PPM1K: variants seen among roughly 807,000 people sequenced by gnomAD.
The protein encoded by PPM1K is protein phosphatase Mn(2+)-dependent 1K.
Under a neutral mutation model 32.6 loss-of-function variants are expected in PPM1K, and 19 were observed. The observed-to-expected ratio is 0.58, with a 90% CI of 0.41 to 0.86. The LOEUF (loss-of-function observed/expected upper bound fraction) is 0.86. Among genes scored for constraint, PPM1K ranks in the 40% least tolerant of loss-of-function variants. The pLI is 0.00. For missense variants in PPM1K, 362 were observed against 461.2 expected, an observed-to-expected ratio of 0.78 and a Z score of 1.97; for synonymous variants, 159 against 165.3, an observed-to-expected ratio of 0.96 and a Z score of 0.29.
intron 6 of PPM1K, among the ~76,000 whole-genome samples, chr4:88,263,307 G>GA (rs551032734): frequency 1.3e-5 from 2 of 151,240 alleles, no homozygotes; most frequent in Non-Finnish European, 3.0e-5. Flanking sequence ...GAATTGGTAA[G>GA]AAAAAAAAAT....
chr4:88,277,300 C>T lies in PPM1K; in HGVS notation c.441-57G>A, dbSNP rs947475765. The T allele has an allele frequency of 7.1e-6, 8 of 1,133,852 alleles. No individual in the cohort carries two copies. The African/African-American group carries it at 1.1e-4, about 15-fold the overall frequency. 70.2% of individuals were successfully genotyped at this position (1,133,852 alleles called of 1,614,324 possible). A position where few individuals can be genotyped will look rare whatever the true frequency, so the allele number is the denominator to read the frequency against. ...AATCATTTTACAATAGGTTTTTCTC[C>T]TCACTGTTACTCTAGCTAGCAGTCA... On this transcript the variant is annotated intron_variant, in intron 2 of 6. Coordinates refer to ENST00000608933, the MANE Select transcript of PPM1K (RefSeq NM_152542.5).
Position 88,260,430 on chromosome 4 carries a change from T to C in PPM1K, c.*2165A>G, listed in dbSNP as rs573240585. Reference sequence around the variant, plus strand: ...TTGGTTTGGAAATTCTCCATGTTCCTAAAGGTAGCTTCCACATTTCTGTTC... The same window carrying C: ...TTGGTTTGGAAATTCTCCATGTTCCCAAAGGTAGCTTCCACATTTCTGTTC... On this transcript the variant is annotated 3_prime_UTR_variant, in exon 7 of 7. Transcript: ENST00000608933. 7.2e-5 allele frequency: 11 copies of C among 152,314 alleles called. No homozygotes were observed. The highest frequency in any genetic ancestry group is 2.6e-4 in the African/African-American group (11 of 41,570). 9.4% of individuals were successfully genotyped at this position (152,314 alleles called of 1,614,324 possible).
intron 6 of PPM1K, among the ~76,000 whole-genome samples, chr4:88,263,083 G>A (rs1731185255): frequency 6.6e-6 from 1 of 152,108 alleles, no homozygotes; most frequent in African/African-American, 2.4e-5. Flanking sequence ...CACACGGTGA[G>A]GACTTGATAA....
chr4:88,275,539 G>A (rs1177616629), intron 3 of PPM1K: 1 of 985,198 alleles, frequency 1.0e-6, no homozygotes, highest in Admixed American at 6.2e-5. Flanking sequence ...TTTAAAAGAG[G>A]CTGATGGCAT....
chr4:88,269,932 C>T (rs1731488932), intron 3 of PPM1K, among the ~76,000 whole-genome samples: 1 of 152,098 alleles, frequency 6.6e-6, no homozygotes, highest in African/African-American at 2.4e-5. Flanking sequence ...TGCATTGAGC[C>T]TTGTCAAAAG....
intron 3 of PPM1K, chr4:88,276,191 G>A (rs1382091873): frequency 1.6e-5 from 16 of 985,224 alleles, no homozygotes; most frequent in African/African-American, 8.7e-5. Context: ...CAGTTCCTTC[G>A]CTGTGAAATG....
At chr4:88,274,651 T>C (rs2110166594) in intron 3 of PPM1K, among the ~76,000 whole-genome samples, 2 of 152,348 alleles carry the variant, frequency 1.3e-5, no homozygotes, top group Middle Eastern at 6.8e-3. Flanking sequence ...TCCACTCTTA[T>C]AATACTGATA....
At chr4:88,279,810 G>A (rs757653917) in intron 1 of PPM1K, 5 of 152,196 alleles carry the variant, frequency 3.3e-5, no homozygotes, top group African/African-American at 7.2e-5. Flanking sequence ...ACTAAGGTTT[G>A]ATGATGTTGG....
Position 88,258,095 on chromosome 4 carries a change from C to T in PPM1K, c.*4500G>A, listed in dbSNP as rs1432143908. The T allele has an allele frequency of 2.0e-5, 3 of 152,072 alleles. No individual in the cohort carries two copies. Among genetic ancestry groups the T allele is most frequent in the South Asian group, 2.1e-4 (1 of 4,822 alleles). 9.4% of individuals were successfully genotyped at this position (152,072 alleles called of 1,614,324 possible). Reference sequence around the variant, plus strand: ...TTTCTGCCTAAGTCATCTATATAAGCGAATCTAATAAATACAATAAAATGT... The same window carrying T: ...TTTCTGCCTAAGTCATCTATATAAGTGAATCTAATAAATACAATAAAATGT... On this transcript the variant is annotated 3_prime_UTR_variant, in exon 7 of 7. Coordinates refer to ENST00000608933, the MANE Select transcript of PPM1K (RefSeq NM_152542.5).
chr4:88,281,111 T>G (rs1181941639), intron 1 of PPM1K, among the ~76,000 whole-genome samples: 2 of 151,602 alleles, frequency 1.3e-5, no homozygotes, highest in East Asian at 3.9e-4. Flanking sequence ...CTTTATATCA[T>G]ATAGAAAAAA....
intron 2 of PPM1K, chr4:88,277,522 G>T: frequency 3.0e-6 from 1 of 331,416 alleles, no homozygotes; most frequent in Non-Finnish European, 5.5e-6. Flanking sequence ...CCTTCCCATT[G>T]TGAGTTCTTT....
intron 6 of PPM1K, 28 bp downstream of exon 6, chr4:88,264,973 G>A (rs764107342): frequency 1.7e-5 from 28 of 1,612,118 alleles, no homozygotes; most frequent in Non-Finnish European, 2.2e-5. Context: ...TTCTCCTTGG[G>A]ACTTTTCAGG....
In PPM1K at chr4:88,278,751, A is replaced by G. The variant is rs1457170316; in HGVS notation, c.-59-109T>C. The G allele has an allele frequency of 6.8e-6, 4 of 588,580 alleles. No homozygotes were observed. In the Admixed American group the frequency reaches 1.3e-4, roughly 19 times the overall value. The allele number at this position is 588,580 out of a possible 1,614,324, so 36.5% of individuals were successfully genotyped here. A position where few individuals can be genotyped will look rare whatever the true frequency, so the allele number is the denominator to read the frequency against. On this transcript the variant is annotated intron_variant, in intron 1 of 6. Transcript: ENST00000608933. This position sits in a 1 kb window ranked among gnomAD's most constrained non-coding sequence, Gnocchi z 4.2. ...CCATCAGAAATTTTGAATATAACTG[A>G]TATGTCATCAAATATTACCAAAAAT... is the stretch of plus-strand genomic sequence containing the variant.
chr4:88,262,605 C>T lies in PPM1K; in HGVS notation c.1109G>A (p.Arg370Gln). The T allele has an allele frequency of 1.2e-6, 2 of 1,613,802 alleles. No homozygotes were observed. The highest frequency in any genetic ancestry group is 1.1e-5 in the South Asian group (1 of 91,018). Reference sequence around the variant, plus strand: ...AGTCCCAGCTGGTAATCAGGCCCATCGTCCACTGGAGGCAAAGCTTCTGCT... The same window carrying T: ...AGTCCCAGCTGGTAATCAGGCCCATTGTCCACTGGAGGCAAAGCTTCTGCT... ...SFSRSFASSG[R>Q]WA The change falls in exon 7 of 7, where the codon CGA (arginine) becomes CAA (glutamine). Residue 370 changes from arginine (R) to glutamine (Q), a missense_variant. Physicochemically the swap from Arg to Gln is conservative, Grantham distance 43. Transcript: ENST00000608933.
At chr4:88,268,509 T>C (rs1222205689) in intron 4 of PPM1K, among the ~76,000 whole-genome samples, 175 bp from the exon 5 acceptor site, 1 of 152,118 alleles carries the variant, frequency 6.6e-6, no homozygotes, top group Non-Finnish European at 1.5e-5. Flanking sequence ...TAGTCCCAGC[T>C]ACTCAGGAGG....
Position 88,260,296 on chromosome 4 carries a change from AC to A in PPM1K, c.*2298del, listed in dbSNP as rs1426157708. The A allele has an allele frequency of 6.6e-6, 1 of 152,038 alleles. No homozygotes were observed. The allele number at this position is 152,038 out of a possible 1,614,324, so 9.4% of individuals were successfully genotyped here. On this transcript the variant is annotated 3_prime_UTR_variant, in exon 7 of 7. Coordinates refer to ENST00000608933, the MANE Select transcript of PPM1K (RefSeq NM_152542.5). ...TCTAACTCTTGACCTCAGGTGATCC[AC>A]CTGCCTTGGCCTCCCAAAGTGCTAG...
chr4:88,270,936 C>A, intron 3 of PPM1K: 1 of 310,142 alleles, frequency 3.2e-6, no homozygotes, highest in Non-Finnish European at 6.4e-6. Context: ...TAAAAATTCT[C>A]ACTTTTTGCC....
intron 4 of PPM1K, 39 bp downstream of exon 4, chr4:88,268,702 T>A (rs1227370341): frequency 1.9e-6 from 3 of 1,574,484 alleles, no homozygotes; most frequent in Non-Finnish European, 2.6e-6. Context: ...AAAAACATCA[T>A]CCACATAGAA....
chr4:88,267,291 GCTGA>G (rs1270388384), intron 5 of PPM1K, among the ~76,000 whole-genome samples: 3 of 148,496 alleles, frequency 2.0e-5, no homozygotes, highest in Non-Finnish European at 3.0e-5. Context: ...GGTGATGCTG[GCTGA>G]CTGGGTGCAG....
Sources: allele counts gnomAD v4.1 joint callset (sites outside exome capture counted in the v4.1 genomes callset), GRCh38; gene constraint gnomAD v4.1.1; non-coding constraint Gnocchi (gnomAD v3.1); transcripts MANE v1.5; gene names NCBI Gene and HGNC (gene_info 2026-07-23, HGNC 2026-07-21).